Variants in PTPRM observed in about 807,000 individuals in gnomAD.
PTPRM encodes the protein receptor-type tyrosine-protein phosphatase mu.
In PTPRM, 47 loss-of-function variants were observed where a neutral mutation model predicts 186.7. The observed-to-expected ratio is 0.25, with a 90% CI of 0.20 to 0.32. The LOEUF (loss-of-function observed/expected upper bound fraction) is 0.32. PTPRM is among the 10% of genes least tolerant of loss of function. The pLI, the probability that PTPRM is intolerant of heterozygous loss-of-function variation, is 1.00. For synonymous variants in PTPRM, 668 were observed against 674.9 expected (o/e 0.99, Z 0.16); for missense variants, 1,494 against 1,865.0 (o/e 0.80, Z 3.66).
chr18:7,644,901 T>C (rs2038525932), intron 1 of PTPRM, among the ~76,000 whole-genome samples: 1 of 152,180 alleles, frequency 6.6e-6, no homozygotes, highest in Non-Finnish European at 1.5e-5. Context: ...TTTGAAACGA[T>C]GATCTTTCCA....
chr18:7,856,858 T>G (rs1443607), intron 2 of PTPRM, among the ~76,000 whole-genome samples: 102,267 of 152,048 alleles, frequency 0.67, 34,881 homozygotes, highest in East Asian at 0.96. Flanking sequence ...AGTATCAGTA[T>G]TCCCTGTGCT....
rs1345519818 is a variant in PTPRM, at chr18:8,126,023, A to ATT, written c.2167+11197_2167+11198insTT. On this transcript the variant is annotated intron_variant, in intron 13 of 32. Coordinates refer to ENST00000580170, the MANE Select transcript of PTPRM (RefSeq NM_001105244.2). ...TATATATATATATATATATATATAT[A>ATT]TATATTTTAAATCAGTAGACCTTTC... 9.6e-4 allele frequency among the ~76,000 whole-genome samples: 44 copies of ATT among 46,012 alleles called. 4 individuals are homozygous for ATT. The East Asian group carries it at 0.016, about 17-fold the overall frequency. 30.2% of individuals were successfully genotyped at this position (46,012 alleles called of 152,430 possible). A position where few individuals can be genotyped will look rare whatever the true frequency, so the allele number is the denominator to read the frequency against.
intron 4 of PTPRM, among the ~76,000 whole-genome samples, chr18:7,920,926 T>A (rs2050824353): frequency 6.6e-6 from 1 of 152,212 alleles, no homozygotes; most frequent in South Asian, 2.1e-4. Context: ...AATGTCTTCT[T>A]ATACACTCCT....
At chr18:8,227,828 G>T (rs2094233189) in intron 14 of PTPRM, among the ~76,000 whole-genome samples, 1 of 152,180 alleles carries the variant, frequency 6.6e-6, no homozygotes, top group South Asian at 2.1e-4. Flanking sequence ...GAATTCAGCA[G>T]CATAAGCCAG....
intron 2 of PTPRM, among the ~76,000 whole-genome samples, chr18:7,817,855 C>A (rs764109814): frequency 1.3e-5 from 2 of 152,158 alleles, no homozygotes; most frequent in Non-Finnish European, 2.9e-5. Context: ...TGCTGGTCTC[C>A]GCTTGGAGTA....
At chr18:7,766,085 C>T (rs1483420544) in intron 1 of PTPRM, among the ~76,000 whole-genome samples, 6 of 152,118 alleles carry the variant, frequency 3.9e-5, no homozygotes, top group African/African-American at 1.4e-4. Flanking sequence ...CTGAACAGTT[C>T]GTATATAAGC....
At chr18:7,726,415 A>G (rs1329150935) in intron 1 of PTPRM, among the ~76,000 whole-genome samples, 1 of 152,194 alleles carries the variant, frequency 6.6e-6, no homozygotes, top group Non-Finnish European at 1.5e-5. Context: ...ATGATTTACA[A>G]ATACATTCTC....
chr18:8,086,607 G>T (rs1406484868), intron 10 of PTPRM, among the ~76,000 whole-genome samples: 1 of 152,136 alleles, frequency 6.6e-6, no homozygotes, highest in Non-Finnish European at 1.5e-5. Flanking sequence ...GGGTGGAGCA[G>T]GTGGGGTGGA....
intron 1 of PTPRM, among the ~76,000 whole-genome samples, chr18:7,730,709 G>A (rs544086764): frequency 6.6e-6 from 1 of 152,250 alleles, no homozygotes; most frequent in South Asian, 2.1e-4. Flanking sequence ...AGTAATTATG[G>A]ATCCAGAAAC....
At chr18:7,578,001 G>T (rs1007543531) in intron 1 of PTPRM, among the ~76,000 whole-genome samples, 4 of 152,150 alleles carry the variant, frequency 2.6e-5, no homozygotes, top group African/African-American at 7.2e-5. Context: ...CAGCCATGGG[G>T]ATCCCTGAGC....
intron 9 of PTPRM, among the ~76,000 whole-genome samples, chr18:8,077,507 G>C (rs560079665): frequency 7.2e-5 from 11 of 152,208 alleles, no homozygotes; most frequent in African/African-American, 2.6e-4. Flanking sequence ...GAAAAAAGTT[G>C]ATTTTTGTAC....
chr18:8,038,865 A>C (rs2086515599), intron 7 of PTPRM, among the ~76,000 whole-genome samples: 1 of 152,338 alleles, frequency 6.6e-6, no homozygotes, highest in South Asian at 2.1e-4. Flanking sequence ...AAGTACGCAC[A>C]TAGCCAGAAT....
At chr18:7,986,348 A>AT (rs1171324255) in intron 7 of PTPRM, among the ~76,000 whole-genome samples, 10 of 152,218 alleles carry the variant, frequency 6.6e-5, no homozygotes, top group African/African-American at 2.4e-4. Flanking sequence ...TCACTTAGGA[A>AT]TATTTTGTAC....
At chr18:7,825,413 A>G (rs1598906934) in intron 2 of PTPRM, among the ~76,000 whole-genome samples, 1 of 152,212 alleles carries the variant, frequency 6.6e-6, no homozygotes. Context: ...ACTGAAAGGT[A>G]AGAGCACTAT....
intron 14 of PTPRM, among the ~76,000 whole-genome samples, chr18:8,180,944 G>A (rs1054731287): frequency 3.3e-5 from 5 of 152,036 alleles, no homozygotes; most frequent in East Asian, 1.9e-4. Context: ...GTTTGATGGC[G>A]GGTGGGGGGG....
At chr18:7,647,655 GC>G (rs1295028709) in intron 1 of PTPRM, among the ~76,000 whole-genome samples, 1 of 152,322 alleles carries the variant, frequency 6.6e-6, no homozygotes, top group East Asian at 1.9e-4. Flanking sequence ...CTCTCTTTGA[GC>G]CTGTCTCTGA....
intron 2 of PTPRM, among the ~76,000 whole-genome samples, chr18:7,799,570 T>C (rs1175428977): frequency 2.6e-5 from 4 of 152,220 alleles, no homozygotes; most frequent in African/African-American, 9.7e-5. Flanking sequence ...TCTTCTTTTT[T>C]CTTGCTAATT....
intron 2 of PTPRM, among the ~76,000 whole-genome samples, chr18:7,841,362 GCTTACTGCAAGCTCCGCCTCCTGGGTTCA>G (rs1189665871): frequency 7.6e-6 from 1 of 132,014 alleles, no homozygotes; most frequent in Non-Finnish European, 1.5e-5. Flanking sequence ...CCTGATCTCA[GCTTACTGCAAGCTCCGCCTCCTGGGTTCA>G]CGCCATTCTC....
At chr18:8,379,431 C>G in intron 28 of PTPRM, 91 bp downstream of exon 28, 1 of 1,297,404 alleles carries the variant, frequency 7.7e-7, no homozygotes, top group Non-Finnish European at 1.0e-6. Context: ...TGCTCACCAG[C>G]CCTTTTGTTT....
Sources: allele counts gnomAD v4.1 joint callset (sites outside exome capture counted in the v4.1 genomes callset), GRCh38; gene constraint gnomAD v4.1.1; transcripts MANE v1.5; gene names NCBI Gene and HGNC (gene_info 2026-07-23, HGNC 2026-07-21).